Variants in MORC4 observed in about 807,000 individuals in gnomAD.
MORC4 encodes MORC family CW-type zinc finger 4.
In MORC4, 22 loss-of-function variants were observed where a neutral mutation model predicts 65.5. The ratio of observed to expected loss-of-function variants is 0.34; its 90% confidence interval spans 0.24 to 0.48. The LOEUF (loss-of-function observed/expected upper bound fraction) is 0.48. Among genes scored for constraint, MORC4 ranks in the 20% least tolerant of loss-of-function variants. MORC4 has a pLI of 0.99. For synonymous variants in MORC4, 267 were observed against 255.8 expected (o/e 1.04, Z -0.42); for missense variants, 624 against 703.0 (o/e 0.89, Z 1.27).
intron 9 of MORC4, among the ~76,000 whole-genome samples, chrX:106,965,080 G>C (rs1202150799): frequency 9.0e-6 from 1 of 110,986 alleles, no homozygotes; most frequent in Non-Finnish European, 1.9e-5. Flanking sequence ...AATTCAGTTT[G>C]TAACTCCTCA....
intron 9 of MORC4, among the ~76,000 whole-genome samples, chrX:106,969,253 A>C (rs906307760): frequency 1.1e-4 from 12 of 112,217 alleles, no homozygotes; most frequent in African/African-American, 3.9e-4. Flanking sequence ...TGAAAGCAGA[A>C]ATAAAGATGG....
chrX:106,958,359 A>G lies in MORC4; in HGVS notation c.1362T>C (p.Tyr454=), dbSNP rs1456421759. 5 of 1,206,566 alleles carry G rather than the reference A, an allele frequency of 4.1e-6. No homozygotes were observed. Among genetic ancestry groups the G allele is most frequent in the Non-Finnish European group, 5.6e-6 (5 of 892,095 alleles). Residue 454 remains tyrosine, a synonymous_variant, in exon 11 of 17, where the codon TAT becomes TAC. Coordinates refer to ENST00000355610, the MANE Select transcript of MORC4 (RefSeq NM_024657.5). The part of the protein sequence containing the change: ...PSMLPARWFC[Y]YNSHPKYRRC... The stretch of plus-strand genomic sequence containing the variant: ...ACCTGTACTTTGGATGGGAATTATA[A>G]TAACAAAACCATCTTGCAGGTAACA...
At position 106,974,694 on chromosome X, in the gene MORC4, T is replaced by G. The variant is rs756683609; in HGVS notation, c.1157+1890A>C. 1.1e-4 allele frequency among the ~76,000 whole-genome samples: 12 copies of G among 112,121 alleles called. No homozygotes were observed. The East Asian group carries it at 3.4e-3, about 31-fold the overall frequency. On this transcript the variant is annotated intron_variant, in intron 9 of 16. Coordinates refer to ENST00000355610, the MANE Select transcript of MORC4 (RefSeq NM_024657.5). The stretch of plus-strand genomic sequence containing the variant: ...AGTGGTATTACAGATGATTTATTTG[T>G]AGACATTCCAGCAGTATGATGGCTG...
rs928448952 is a variant in MORC4 at position 106,989,105 on chromosome X, G to A, written c.309-2905C>T. Among the ~76,000 whole-genome samples, 25 of 112,580 alleles carry A rather than the reference G, an allele frequency of 2.2e-4. No homozygotes were observed. In the Admixed American group the frequency reaches 2.2e-3, roughly 10 times the overall value. On this transcript the variant is annotated intron_variant, in intron 3 of 16. Coordinates refer to ENST00000355610, the MANE Select transcript of MORC4 (RefSeq NM_024657.5). ...ATGTAATATAAAAGAATGAAAGAGT[G>A]CTAAGCAGACTGTTATTCTCCAGCT...
chrX:106,994,695 T>G (rs1437482683), intron 2 of MORC4, among the ~76,000 whole-genome samples: 1 of 112,098 alleles, frequency 8.9e-6, no homozygotes, highest in Non-Finnish European at 1.9e-5. Context: ...TCACTGACTG[T>G]AAGCAGAAAA....
chrX:106,995,378 C>T (rs1935059264), intron 2 of MORC4, among the ~76,000 whole-genome samples: 1 of 111,940 alleles, frequency 8.9e-6, no homozygotes, highest in Non-Finnish European at 1.9e-5. Flanking sequence ...TGATCCCAGA[C>T]GACCTTTTTA....
rs765188191 is a variant in MORC4, at chrX:106,962,117, G to C, written c.1158-7C>G. 5.2e-6 allele frequency: 6 copies of C among 1,152,594 alleles called. No individual in the cohort carries two copies. In the South Asian group the frequency reaches 9.1e-5, roughly 18 times the overall value. 95.0% of individuals were successfully genotyped at this position (1,152,594 alleles called of 1,213,427 possible). On this transcript the variant is annotated splice_region_variant and splice_polypyrimidine_tract_variant and intron_variant, in intron 9 of 16. Transcript: ENST00000355610. Reference sequence around the variant, plus strand: ...AAGGGCATTTATTGTTAGCCTGAAAGAAAATGCAAGAAGTATGTCAAAGTT... The same window carrying C: ...AAGGGCATTTATTGTTAGCCTGAAACAAAATGCAAGAAGTATGTCAAAGTT...
intron 9 of MORC4, among the ~76,000 whole-genome samples, chrX:106,969,257 A>G (rs1484648064): frequency 1.8e-5 from 2 of 112,059 alleles, no homozygotes; most frequent in Non-Finnish European, 3.8e-5. Context: ...AGCAGAAATA[A>G]AGATGGTCTT....
chrX:106,951,938 GTGAGCCGAGATTGCGCCAC>G (rs1460129860), intron 14 of MORC4, among the ~76,000 whole-genome samples: 1 of 95,913 alleles, frequency 1.0e-5, no homozygotes, highest in African/African-American at 3.9e-5. Context: ...GGAGGTTGCA[GTGAGCCGAGATTGCGCCAC>G]TGCACTCCAG....
intron 4 of MORC4, among the ~76,000 whole-genome samples, chrX:106,985,681 A>T (rs1474423424): frequency 1.1e-5 from 1 of 91,544 alleles, no homozygotes; most frequent in East Asian, 2.9e-4. Context: ...CCTTAGGGGA[A>T]AAAAAAAAAA....
At position 106,990,189 on chromosome X, in the gene MORC4, TA is replaced by T. The variant is rs755160254; in HGVS notation, c.308+3040del. On this transcript the variant is annotated intron_variant, in intron 3 of 16. Transcript: ENST00000355610. The stretch of plus-strand genomic sequence containing the variant: ...GGCGACAGAGCAAAACTCCATCTAA[TA>T]AAAAAAAAAATAGAATCCTTTGCTG... Among the ~76,000 whole-genome samples, 486 of 100,870 alleles carry T rather than the reference TA, an allele frequency of 4.8e-3. 2 individuals carry two copies. Among genetic ancestry groups the T allele is most frequent in the Non-Finnish European group, 5.5e-3 (272 of 49,144 alleles). 87.6% of individuals were successfully genotyped at this position (100,870 alleles called of 115,157 possible).
chrX:106,957,795 T>C (rs1460816541), intron 11 of MORC4, among the ~76,000 whole-genome samples: 1 of 111,719 alleles, frequency 9.0e-6, no homozygotes, highest in Non-Finnish European at 1.9e-5. Context: ...ATACGAAGCA[T>C]ATAAAGAACA....
chrX:106,998,501 A>G (rs1237407104), intron 2 of MORC4, among the ~76,000 whole-genome samples: 1 of 111,768 alleles, frequency 8.9e-6, no homozygotes, highest in Non-Finnish European at 1.9e-5. Context: ...CCCATCCCCC[A>G]CTATGTAAAT....
chrX:106,999,718 C>T lies in MORC4; in HGVS notation c.134G>A (p.Ser45Asn). The change falls in exon 2 of 17, where the codon AGC becomes AAC. Residue 45 changes from serine to asparagine, a missense_variant. Physicochemically the swap from Ser to Asn is conservative, Grantham distance 46. Coordinates refer to ENST00000355610, the MANE Select transcript of MORC4 (RefSeq NM_024657.5). ...MSPRYLQSNS[S>N]SHTRPFSAIA... ...GGCACTGAAGGGTCGCGTGTGGCTGCTGGAGTTGCTCTGGAGGTAGCGGGG... is the reference window on the plus strand; with the variant it reads ...GGCACTGAAGGGTCGCGTGTGGCTGTTGGAGTTGCTCTGGAGGTAGCGGGG... The T allele has an allele frequency of 2.7e-6, 3 of 1,129,299 alleles. No individual in the cohort carries two copies. The highest frequency in any genetic ancestry group is 3.5e-6 in the Non-Finnish European group (3 of 856,763). The allele number at this position is 1,129,299 out of a possible 1,213,427, so 93.1% of individuals were successfully genotyped here. A position where few individuals can be genotyped will look rare whatever the true frequency, so the allele number is the denominator to read the frequency against.
At position 106,985,877 on chromosome X, in the gene MORC4, T is replaced by G. The variant is rs1934859297; in HGVS notation, c.526+106A>C. The G allele has an allele frequency of 6.4e-6, 4 of 622,628 alleles. No homozygotes were observed. The South Asian group carries it at 1.2e-4, about 19-fold the overall frequency. 51.3% of individuals were successfully genotyped at this position (622,628 alleles called of 1,213,427 possible). ...GTTAAATTTAAGACATTTGAATACC[T>G]CTTTTAAAACTTCTGACAGTTGGAT... On this transcript the variant is annotated intron_variant, in intron 4 of 16. Coordinates refer to ENST00000355610, the MANE Select transcript of MORC4 (RefSeq NM_024657.5).
chrX:106,948,062 T>C (rs1440073100), intron 14 of MORC4, among the ~76,000 whole-genome samples: 4 of 111,516 alleles, frequency 3.6e-5, no homozygotes, highest in Non-Finnish European at 5.7e-5. Context: ...CTTTGTTCCT[T>C]TGACCCATCT....
intron 2 of MORC4, among the ~76,000 whole-genome samples, chrX:106,996,800 C>G (rs1409705332): frequency 5.4e-5 from 6 of 112,142 alleles, no homozygotes; most frequent in Non-Finnish European, 9.4e-5. Context: ...TCGTGCTATC[C>G]CTTCGTGGGA....
intron 14 of MORC4, among the ~76,000 whole-genome samples, chrX:106,947,738 G>C: frequency 9.5e-6 from 1 of 105,535 alleles, no homozygotes; most frequent in Non-Finnish European, 1.9e-5. Context: ...TGGATATAAA[G>C]AGGGACCTTT....
At chrX:106,945,885 C>G (rs1386692034) in intron 14 of MORC4, among the ~76,000 whole-genome samples, 1 of 111,743 alleles carries the variant, frequency 8.9e-6, no homozygotes, top group Non-Finnish European at 1.9e-5. Context: ...AATGCTTTCT[C>G]AGAGGCTTCT....
Sources: gnomAD v4.1 joint callset for allele counts (sites outside exome capture counted in the v4.1 genomes callset) on GRCh38, gnomAD v4.1.1 for gene constraint, MANE v1.5 for transcripts, NCBI Gene and HGNC (gene_info 2026-07-23, HGNC 2026-07-21) for gene names.